ZNF69: variants seen among roughly 807,000 people sequenced by gnomAD.
ZNF69 encodes zinc finger protein 69, also known as ZNF3.
ZNF69 carries 47 observed loss-of-function variants against 50.9 expected under a neutral mutation model. The ratio of observed to expected loss-of-function variants is 0.92; its 90% CI spans 0.73 to 1.18. The LOEUF (loss-of-function observed/expected upper bound fraction) is 1.18. Among genes scored for constraint, ZNF69 ranks in the 50% most tolerant of loss-of-function variants. ZNF69 has a pLI of 0.00. For synonymous variants in ZNF69, 216 were observed against 223.1 expected, an observed-to-expected ratio of 0.97 and a Z score of 0.29; for missense variants, 717 against 675.1, an observed-to-expected ratio of 1.06 and a Z score of -0.69.
the ZNF69 span, among the ~76,000 whole-genome samples, chr19:11,958,400 C>G: frequency 2.0e-5 from 3 of 152,248 alleles, no homozygotes; most frequent in African/African-American, 7.2e-5. Context: ...TCTGCTAACT[C>G]TGGGTGGCTT....
intron 4 of ZNF69, among the ~76,000 whole-genome samples, chr19:11,912,520 G>A (rs1972471958): frequency 6.6e-6 from 1 of 152,178 alleles, no homozygotes; most frequent in Non-Finnish European, 1.5e-5. Context: ...ACACTGGGGA[G>A]AAACCCTATC....
chr19:11,947,510 T>G, the ZNF69 span: 1 of 1,611,760 alleles, frequency 6.2e-7, no homozygotes, highest in Non-Finnish European at 8.5e-7. Context: ...TGTCTGTATT[T>G]TAGGAAAAAA....
chr19:11,931,281 C>A, the ZNF69 span, among the ~76,000 whole-genome samples: 1 of 147,850 alleles, frequency 6.8e-6, no homozygotes, highest in Non-Finnish European at 1.5e-5. Context: ...CCAGCAAGGG[C>A]CCGCTTCCTG....
In ZNF69 at chr19:11,904,766, A is replaced by G. The variant is rs1240157431; in HGVS notation, c.369A>G (p.Ile123Met). 2 of 1,613,876 alleles carry G rather than the reference A, an allele frequency of 1.2e-6. No homozygotes were observed. The highest frequency in any genetic ancestry group is 1.7e-6 in the Non-Finnish European group (2 of 1,179,884). Reference protein sequence around the residue: ...NFQEKKASPEIKSCDSFVCGE... With the variant: ...NFQEKKASPEMKSCDSFVCGE... The stretch of plus-strand genomic sequence containing the variant: ...AGGAGAAGAAAGCTTCTCCTGAAAT[A>G]AAATCATGTGACAGCTTTGTGTGTG... The change falls in exon 4 of 4, where the codon ATA (isoleucine) becomes ATG (methionine). Residue 123 changes from isoleucine to methionine, a missense_variant. By Grantham distance (10) the Ile-to-Met change is conservative. Transcript: ENST00000429654.
the ZNF69 span, chr19:11,977,566 T>C: frequency 1.7e-6 from 2 of 1,169,154 alleles, no homozygotes; most frequent in Admixed American, 2.5e-5. Flanking sequence ...CAAAATCATA[T>C]ATTTACATGT....
downstream of ZNF69, among the ~76,000 whole-genome samples, chr19:11,916,215 G>T (rs1477454641): frequency 6.6e-6 from 1 of 152,024 alleles, no homozygotes; most frequent in East Asian, 1.9e-4. Context: ...AAAAGTCTAG[G>T]TACTGAACTT....
chr19:11,942,279 A>G, the ZNF69 span, among the ~76,000 whole-genome samples: 1 of 151,266 alleles, frequency 6.6e-6, no homozygotes, highest in Non-Finnish European at 1.5e-5. Context: ...CTTCTCTAAC[A>G]ATGTCATCAA....
At chr19:11,974,775 G>A in the ZNF69 span, among the ~76,000 whole-genome samples, 3 of 151,950 alleles carry the variant, frequency 2.0e-5, no homozygotes, top group African/African-American at 7.3e-5. Flanking sequence ...GCTAATTTTT[G>A]TATTTTTAGT....
chr19:11,905,875 T>G lies in ZNF69; in HGVS notation c.1478T>G (p.Leu493Trp). The change falls in exon 4 of 4, where the codon TTG becomes TGG. Residue 493 changes from leucine to tryptophan, a missense_variant. By Grantham distance (61) the Leu-to-Trp change is moderately conservative. Transcript: ENST00000429654. Reference protein sequence around the residue: ...CGKGFYCPKSLQRHEKTHTGE... With the variant: ...CGKGFYCPKSWQRHEKTHTGE... ...AAAGGCTTTTATTGTCCCAAATCAT[T>G]GCAAAGACATGAAAAAACTCACACT... The G allele has an allele frequency of 6.2e-7, 1 of 1,613,874 alleles. No homozygotes were observed. The highest frequency in any genetic ancestry group is 8.5e-7 in the Non-Finnish European group (1 of 1,179,990).
chr19:11,968,084 T>C, the ZNF69 span, among the ~76,000 whole-genome samples: 1 of 152,188 alleles, frequency 6.6e-6, no homozygotes, highest in Non-Finnish European at 1.5e-5. Flanking sequence ...GTTATGACCA[T>C]GGGTTGTGAC....
At chr19:11,949,532 C>G in the ZNF69 span, 1 of 1,611,322 alleles carries the variant, frequency 6.2e-7, no homozygotes, top group East Asian at 2.2e-5. Flanking sequence ...AGAATGCCCT[C>G]TGGAGAAAGA....
chr19:11,959,022 A>G, the ZNF69 span, among the ~76,000 whole-genome samples: 287 of 152,246 alleles, frequency 1.9e-3, no homozygotes, highest in Middle Eastern at 6.8e-3. Flanking sequence ...TGCTGGGACT[A>G]CAGGCACATG....
At chr19:11,929,078 G>A in the ZNF69 span, among the ~76,000 whole-genome samples, 2 of 148,580 alleles carry the variant, frequency 1.3e-5, no homozygotes, top group East Asian at 3.8e-4. Context: ...CTATGTGAAA[G>A]CTGTGTGTCA....
chr19:11,951,056 C>T, the ZNF69 span, among the ~76,000 whole-genome samples: 1 of 144,818 alleles, frequency 6.9e-6, no homozygotes, highest in Non-Finnish European at 1.5e-5. Context: ...GAGGCTGAGG[C>T]AGGAGAATCG....
At chr19:11,966,978 T>C in the ZNF69 span, among the ~76,000 whole-genome samples, 1 of 152,212 alleles carries the variant, frequency 6.6e-6, no homozygotes, top group Non-Finnish European at 1.5e-5. Context: ...AAGAGGGTTC[T>C]TGGATCTCAC....
At chr19:11,979,537 AC>A in the ZNF69 span, 1 of 1,603,392 alleles carries the variant, frequency 6.2e-7, no homozygotes, top group Non-Finnish European at 8.5e-7. Flanking sequence ...CTGCAGAGAA[AC>A]CCTATGAATG....
chr19:11,979,106 A>G, the ZNF69 span: 3 of 1,613,846 alleles, frequency 1.9e-6, no homozygotes, highest in Admixed American at 1.7e-5. Flanking sequence ...GAAAGACCTT[A>G]TAAATGTTAG....
downstream of ZNF69, among the ~76,000 whole-genome samples, chr19:11,918,091 C>G (rs531281916): frequency 1.1e-4 from 17 of 152,050 alleles, no homozygotes; most frequent in East Asian, 3.1e-3. Context: ...CAGCCTATCT[C>G]TTGATCTTAT....
chr19:11,925,165 G>A, the ZNF69 span: 1 of 1,607,722 alleles, frequency 6.2e-7, no homozygotes, highest in African/African-American at 1.3e-5. Flanking sequence ...GCCCGAGAGG[G>A]ACCTGGTGCC....
Sources: allele counts gnomAD v4.1 joint callset (sites outside exome capture counted in the v4.1 genomes callset), GRCh38; gene constraint gnomAD v4.1.1; transcripts MANE v1.5; gene names NCBI Gene and HGNC (gene_info 2026-07-23, HGNC 2026-07-21).